The following TUBD1 variants were observed in gnomAD, a reference collection of about 807,000 sequenced individuals.
TUBD1 encodes the protein tubulin delta chain.
Under a neutral mutation model 51.2 loss-of-function variants are expected in TUBD1, and 38 were observed. The observed-to-expected ratio is 0.74, with a 90% CI of 0.57 to 0.97. TUBD1 has a LOEUF of 0.97. Ranked by LOEUF, TUBD1 falls within the 50% of genes least tolerant of loss-of-function variation. The pLI, the probability that TUBD1 is intolerant of heterozygous loss-of-function variation, is 0.00. For synonymous variants in TUBD1, 169 were observed against 178.2 expected (o/e 0.95, Z 0.41); for missense variants, 489 against 538.4 (o/e 0.91, Z 0.91).
chr17:59,877,010 C>G (rs931819426), intron 5 of TUBD1, among the ~76,000 whole-genome samples: 5 of 152,150 alleles, frequency 3.3e-5, no homozygotes, highest in African/African-American at 1.2e-4. Context: ...CAGGTACCCA[C>G]CACCATGCCT....
chr17:59,863,865 T>C lies in TUBD1; in HGVS notation c.1076-18A>G, dbSNP rs2039577599. The C allele has an allele frequency of 2.1e-6, 3 of 1,456,588 alleles. No homozygotes were observed. The highest frequency in any genetic ancestry group is 1.5e-5 in the African/African-American group (1 of 68,640). The allele number at this position is 1,456,588 out of a possible 1,614,324, so 90.2% of individuals were successfully genotyped here. ...AAATCCCTCTAGAGTAAAAACAAGATAAGCCGTCTTTTTATAGCATAAATT... is the reference window on the plus strand; with the variant it reads ...AAATCCCTCTAGAGTAAAAACAAGACAAGCCGTCTTTTTATAGCATAAATT... On this transcript the variant is annotated intron_variant, in intron 7 of 8. Coordinates refer to ENST00000325752, the MANE Select transcript of TUBD1 (RefSeq NM_016261.4).
At chr17:59,866,566 C>G (rs2039709539) in intron 7 of TUBD1, 43 bp downstream of exon 7, 2 of 1,607,612 alleles carry the variant, frequency 1.2e-6, no homozygotes, top group Non-Finnish European at 1.7e-6. Flanking sequence ...ATAGCATGTA[C>G]AGGTACAAAA....
At chr17:59,890,687 T>C in intron 2 of TUBD1, 144 bp downstream of exon 2, 1 of 697,038 alleles carries the variant, frequency 1.4e-6, no homozygotes, top group Non-Finnish European at 2.3e-6. Flanking sequence ...AAAGCAAAGA[T>C]TATTAACATA....
At chr17:59,868,970 T>C (rs970476767) in intron 6 of TUBD1, among the ~76,000 whole-genome samples, 4 of 151,828 alleles carry the variant, frequency 2.6e-5, no homozygotes, top group Admixed American at 6.6e-5. Context: ...TGAGCTATGA[T>C]TGCGCCACTG....
chr17:59,863,525 C>G, intron 8 of TUBD1, 139 bp downstream of exon 8: 1 of 550,784 alleles, frequency 1.8e-6, no homozygotes, highest in Non-Finnish European at 2.8e-6. Flanking sequence ...AGGAGAATCA[C>G]TTAAACCCGG....
intron 6 of TUBD1, among the ~76,000 whole-genome samples, chr17:59,873,339 TC>T (rs2040085265): frequency 6.6e-6 from 1 of 151,878 alleles, no homozygotes; most frequent in Non-Finnish European, 1.5e-5. Context: ...AGCCTTGACC[TC>T]CTGGGCTCAG....
intron 4 of TUBD1, among the ~76,000 whole-genome samples, chr17:59,880,329 T>C (rs2040425830): frequency 1.3e-5 from 2 of 151,972 alleles, no homozygotes; most frequent in Admixed American, 1.3e-4. Flanking sequence ...AGTGCTGGGA[T>C]TACAGGCGTG....
At chr17:59,889,682 A>AAAAAAG (rs1568334122) in intron 2 of TUBD1, among the ~76,000 whole-genome samples, 4 of 150,222 alleles carry the variant, frequency 2.7e-5, no homozygotes, top group Non-Finnish European at 5.9e-5. Flanking sequence ...AAAAAAAAAA[A>AAAAAAG]AAAAAGAAAA....
chr17:59,864,048 C>A (rs543408401), intron 7 of TUBD1, among the ~76,000 whole-genome samples: 70 of 151,956 alleles, frequency 4.6e-4, no homozygotes, highest in Non-Finnish European at 8.7e-4. Flanking sequence ...TCGAGACCAG[C>A]CTGGGCAACA....
chr17:59,884,137 T>G (rs2040608250), intron 3 of TUBD1, among the ~76,000 whole-genome samples: 1 of 151,838 alleles, frequency 6.6e-6, no homozygotes, highest in Non-Finnish European at 1.5e-5. Flanking sequence ...GGCATGTGCC[T>G]GTAGTCCTAC....
At chr17:59,884,890 TCCAGCC>T in intron 3 of TUBD1, 1 of 195,384 alleles carries the variant, frequency 5.1e-6, no homozygotes, top group South Asian at 8.4e-5. Context: ...GCCACTGCAC[TCCAGCC>T]TGGGTGACAG....
chr17:59,888,230 C>A (rs374148414), intron 2 of TUBD1, among the ~76,000 whole-genome samples: 1 of 152,084 alleles, frequency 6.6e-6, no homozygotes, highest in African/African-American at 2.4e-5. Context: ...CCACTGCACC[C>A]GGCCGATGTC....
chr17:59,875,574 C>T (rs2040188902), intron 5 of TUBD1, among the ~76,000 whole-genome samples: 2 of 151,478 alleles, frequency 1.3e-5, no homozygotes, highest in Admixed American at 1.3e-4. Flanking sequence ...TGGTCTTGGT[C>T]TTAATAGAAA....
chr17:59,884,882 C>A, intron 3 of TUBD1: 1 of 191,688 alleles, frequency 5.2e-6, no homozygotes, highest in South Asian at 9.1e-5. Flanking sequence ...GAGATCATGC[C>A]ACTGCACTCC....
chr17:59,882,271 TA>T (rs1461201996), intron 3 of TUBD1, among the ~76,000 whole-genome samples: 1 of 152,102 alleles, frequency 6.6e-6, no homozygotes, highest in Admixed American at 6.6e-5. Flanking sequence ...TCTCCTTTTT[TA>T]TTTTTTTTGT....
Position 59,881,111 on chromosome 17 carries a change from C to T in TUBD1, c.321-1G>A. Reference sequence around the variant, plus strand: ...ATGCCTGGGTCCATGAACAGAGTAACTATGCAATGGCAAAAGAAACAAACA... The same window carrying T: ...ATGCCTGGGTCCATGAACAGAGTAATTATGCAATGGCAAAAGAAACAAACA... On this transcript the variant is annotated splice_acceptor_variant, in intron 3 of 8. Transcript: ENST00000325752. LOFTEE classifies it high-confidence loss of function. 1.2e-6 allele frequency: 2 copies of T among 1,609,288 alleles called. No individual in the cohort carries two copies. The highest frequency in any genetic ancestry group is 1.7e-6 in the Non-Finnish European group (2 of 1,175,896).
At chr17:59,878,861 A>G (rs1316165197) in intron 4 of TUBD1, 1 of 153,116 alleles carries the variant, frequency 6.5e-6, no homozygotes, top group African/African-American at 2.4e-5. Context: ...AATGCCTTGT[A>G]TGGGCACAAC....
In TUBD1 at chr17:59,881,061, G is replaced by A. The variant is rs762961361; in HGVS notation, c.370C>T (p.Arg124Trp). ...RHEESIMNII[R>W]KEVEKCDSFS... The stretch of plus-strand genomic sequence containing the variant: ...GAGTCACATTTCTCCACTTCCTTCC[G>A]GATTATGTTCATTATAGATTCTTCA... The change falls in exon 4 of 9, where the codon CGG becomes TGG. Residue 124 changes from arginine (R) to tryptophan (W), a missense_variant. Transcript: ENST00000325752. The A allele has an allele frequency of 1.1e-5, 18 of 1,613,988 alleles. No homozygotes were observed. The highest frequency in any genetic ancestry group is 5.0e-5 in the Admixed American group (3 of 59,972).
chr17:59,880,972 G>T lies in TUBD1; in HGVS notation c.459C>A (p.Phe153Leu). Residue 153 changes from phenylalanine to leucine, a missense_variant, in exon 4 of 9, where the codon TTC becomes TTA. Phe to Leu is a conservative substitution (Grantham distance 22). Coordinates refer to ENST00000325752, the MANE Select transcript of TUBD1 (RefSeq NM_016261.4). ...AGGTGSGLGA[F>L]VTQNLEDQYS... is the part of the protein sequence containing the mutation. ...ACTGATCTTCTAAATTCTGTGTAAC[G>T]AAAGCTCCTAATCCTGATCCTGTGC... 1 of 1,613,962 alleles carries T rather than the reference G, an allele frequency of 6.2e-7. No homozygotes were observed. Among genetic ancestry groups the T allele is most frequent in the Non-Finnish European group, 8.5e-7 (1 of 1,180,012 alleles).
Sources: gnomAD v4.1 joint callset for allele counts (sites outside exome capture counted in the v4.1 genomes callset) on GRCh38, gnomAD v4.1.1 for gene constraint, MANE v1.5 for transcripts, NCBI Gene and HGNC (gene_info 2026-07-23, HGNC 2026-07-21) for gene names.